SACS: variants seen among roughly 807,000 people sequenced by gnomAD.
SACS encodes sacsin.
Under a neutral mutation model 348.0 loss-of-function variants are expected in SACS, and 197 were observed. The ratio of observed to expected loss-of-function variants is 0.57; its 90% CI spans 0.50 to 0.64. The LOEUF (loss-of-function observed/expected upper bound fraction) is 0.64, where lower values mean the gene tolerates loss of function less well. Ranked by LOEUF, SACS falls within the 30% of genes least tolerant of loss-of-function variation. The probability of loss-of-function intolerance (pLI) is 0.00; values close to 1 mark genes in which losing one functional copy is unlikely to be tolerated. For synonymous variants in SACS, 1,985 were observed against 1,910.6 expected, an observed-to-expected ratio of 1.04 and a Z score of -1.02; for missense variants, 4,999 against 5,360.8, an observed-to-expected ratio of 0.93 and a Z score of 2.11.
intron 2 of SACS, among the ~76,000 whole-genome samples, chr13:23,391,930 C>T (rs1021007439): frequency 3.3e-5 from 5 of 152,206 alleles, no homozygotes; most frequent in Non-Finnish European, 7.3e-5. Context: ...CCTTACCCTT[C>T]AGAAGCTGAC....
intron 2 of SACS, among the ~76,000 whole-genome samples, chr13:23,377,461 C>T (rs1170333315): frequency 2.0e-5 from 3 of 152,130 alleles, no homozygotes; most frequent in African/African-American, 7.2e-5. Flanking sequence ...GTACTCAGTC[C>T]ACTACCAGAG....
In SACS at chr13:23,354,819, C is replaced by T. The variant is rs560336970; in HGVS notation, c.1793G>A (p.Gly598Glu). 6.2e-7 allele frequency: 1 copy of T among 1,614,200 alleles called. No individual in the cohort carries two copies. The highest frequency in any genetic ancestry group is 2.2e-5 in the East Asian group (1 of 44,884). ...KTVLNYLQSS[G>E]KQIAKVPGNV... ...CCCTGGTACCTTGGCAATCTGCTTC[C>T]CTGAGCTCTGGAGGTAGTTGAGCAC... Residue 598 changes from glycine (G) to glutamate (E), a missense_variant, in exon 8 of 10, where the codon GGG (glycine) becomes GAG (glutamate). Physicochemically the swap from Gly to Glu is moderately conservative, Grantham distance 98. Around this residue, in one of 6 missense-constraint regions of SACS, gnomAD observed 3,156 missense variants for 3,380.1 expected, o/e 0.93. Coordinates refer to ENST00000382292, the MANE Select transcript of SACS (RefSeq NM_014363.6).
chr13:23,348,891 G>C (rs1869782730), intron 9 of SACS, among the ~76,000 whole-genome samples: 1 of 152,196 alleles, frequency 6.6e-6, no homozygotes, highest in Non-Finnish European at 1.5e-5. Flanking sequence ...AGGTCTCTCT[G>C]CTCTCATGAA....
Position 23,338,702 on chromosome 13 carries a change from T to C in SACS, c.5174A>G (p.Asn1725Ser). The change falls in exon 10 of 10, where the codon AAC becomes AGC. Residue 1725 changes from asparagine to serine, a missense_variant. Physicochemically the swap from Asn to Ser is conservative, Grantham distance 46. This residue lies in a region of SACS where 3,156 missense variants were observed against 3,380.1 expected (regional missense o/e 0.93). Transcript: ENST00000382292. ...TTTTAAAACACTTAAGACAGGTGTG[T>C]TCAATGCTTTGGAAGAGCAGGATTT... Reference protein sequence around the residue: ...KKKSCSSKALNTPVLSVLKEA... With the variant: ...KKKSCSSKALSTPVLSVLKEA... The C allele has an allele frequency of 6.2e-7, 1 of 1,612,052 alleles. No individual in the cohort carries two copies. The highest frequency in any genetic ancestry group is 1.1e-5 in the South Asian group (1 of 90,590).
At chr13:23,347,298 T>G (rs1254689378) in intron 9 of SACS, among the ~76,000 whole-genome samples, 1 of 152,064 alleles carries the variant, frequency 6.6e-6, no homozygotes, top group Non-Finnish European at 1.5e-5. Context: ...AAAAAGAGAT[T>G]TTATCATCTA....
rs578246650 is a variant in SACS at position 23,412,011 on chromosome 13, A to G, written c.-501-271T>C. ...GCGGTGGCTCACGCCTGTAATCCCA[A>G]CACTTTGGGAGGCAGAGGCGCGCAG... On this transcript the variant is annotated intron_variant, in intron 1 of 9. Transcript: ENST00000382292. 2.5e-3 allele frequency among the ~76,000 whole-genome samples: 375 copies of G among 152,272 alleles called. 2 individuals are homozygous for G. The highest frequency in any genetic ancestry group is 8.5e-3 in the African/African-American group (354 of 41,574).
intron 9 of SACS, among the ~76,000 whole-genome samples, chr13:23,346,234 C>T (rs1447977897): frequency 6.6e-5 from 10 of 152,146 alleles, no homozygotes; most frequent in Admixed American, 5.2e-4. Flanking sequence ...CAACCTCTGC[C>T]GCCCGGGTTC....
chr13:23,353,793 T>C lies in SACS; in HGVS notation c.2177A>G (p.Gln726Arg). 6.3e-7 allele frequency: 1 copy of C among 1,584,272 alleles called. No individual in the cohort carries two copies. The highest frequency in any genetic ancestry group is 8.7e-7 in the Non-Finnish European group (1 of 1,153,346). The change falls in exon 9 of 10, where the codon CAA (glutamine) becomes CGA (arginine). Residue 726 changes from glutamine (Q) to arginine (R), a missense_variant. Physicochemically the swap from Gln to Arg is conservative, Grantham distance 43. Transcript: ENST00000382292. ...ATACTAAACTATAATACCTCGGGTTTGGGCAGCTTCCTTTAAAGCAGCCAC... is the reference window on the plus strand; with the variant it reads ...ATACTAAACTATAATACCTCGGGTTCGGGCAGCTTCCTTTAAAGCAGCCAC... ...HLVAALKEAA[Q>R]TRGRPCTQLQ... is the part of the protein sequence containing the mutation.
At chr13:23,425,329 G>T (rs1208721802) in intron 1 of SACS, among the ~76,000 whole-genome samples, 2 of 151,700 alleles carry the variant, frequency 1.3e-5, no homozygotes, top group African/African-American at 4.8e-5. Context: ...GTCCACCTGG[G>T]GCCTGGTATT....
chr13:23,342,360 C>T (rs1869322345), intron 9 of SACS, among the ~76,000 whole-genome samples: 1 of 151,908 alleles, frequency 6.6e-6, no homozygotes, highest in Non-Finnish European at 1.5e-5. Context: ...AATAAAAACA[C>T]CAAGGAAAAA....
intron 2 of SACS, among the ~76,000 whole-genome samples, chr13:23,376,236 A>G (rs1371265652): frequency 6.6e-6 from 1 of 152,200 alleles, no homozygotes; most frequent in African/African-American, 2.4e-5. Flanking sequence ...AGCTCCTTGA[A>G]AGCAGGAACA....
intron 1 of SACS, among the ~76,000 whole-genome samples, chr13:23,415,150 G>A (rs1198145063): frequency 6.6e-6 from 1 of 152,034 alleles, no homozygotes; most frequent in Non-Finnish European, 1.5e-5. Flanking sequence ...TCCTACCTCA[G>A]CCTCCCGAGT....
In SACS at chr13:23,331,413, T is replaced by C. The variant is rs1284648862; in HGVS notation, c.12463A>G (p.Met4155Val). Residue 4155 changes from methionine to valine, a missense_variant, in exon 10 of 10, where the codon ATG (methionine) becomes GTG (valine). Coordinates refer to ENST00000382292, the MANE Select transcript of SACS (RefSeq NM_014363.6). ...TCAGCAGGAATTGGTGTGCCAGGCA[T>C]TGGAAGTTCCAGTTTTGATGGCTCC... Reference protein sequence around the residue: ...SSEPSKLELPMPGTPIPAEIH... With the variant: ...SSEPSKLELPVPGTPIPAEIH... The C allele has an allele frequency of 1.9e-6, 3 of 1,614,078 alleles. No individual in the cohort carries two copies. Among genetic ancestry groups the C allele is most frequent in the African/African-American group, 2.7e-5 (2 of 75,034 alleles).
Position 23,371,001 on chromosome 13 carries a change from CCAAA to C in SACS, c.259+73_259+76del, listed in dbSNP as rs1025239829. The C allele has an allele frequency of 3.0e-4, 295 of 977,822 alleles. 2 individuals carry two copies. The highest frequency in any genetic ancestry group is 1.6e-3 in the South Asian group (102 of 62,932). 60.6% of individuals were successfully genotyped at this position (977,822 alleles called of 1,614,324 possible). A position where few individuals can be genotyped will look rare whatever the true frequency, so the allele number is the denominator to read the frequency against. ...GGCGAGACTCAGTTTCAAAAACCAA[CCAAA>C]CAAACAAACAAAAAAACTCAATCTT... is the stretch of plus-strand genomic sequence containing the variant. On this transcript the variant is annotated intron_variant, in intron 4 of 9. Transcript: ENST00000382292.
chr13:23,399,477 A>T (rs1872862580), intron 2 of SACS, among the ~76,000 whole-genome samples: 1 of 152,112 alleles, frequency 6.6e-6, no homozygotes, highest in East Asian at 1.9e-4. Flanking sequence ...TGACATGCCC[A>T]AACATGTCTT....
intron 2 of SACS, among the ~76,000 whole-genome samples, chr13:23,378,768 A>T (rs1223202345): frequency 6.6e-6 from 1 of 152,144 alleles, no homozygotes; most frequent in Non-Finnish European, 1.5e-5. Flanking sequence ...GAAAATATGG[A>T]AAGAGAGTGA....
At chr13:23,365,110 T>C (rs557000034) in intron 6 of SACS, 56 bp downstream of exon 6, 1 of 1,135,090 alleles carries the variant, frequency 8.8e-7, no homozygotes, top group African/African-American at 1.5e-5. Context: ...TATTAATCAT[T>C]AAAAACTGCC....
intron 6 of SACS, among the ~76,000 whole-genome samples, chr13:23,364,486 C>G (rs4769266): frequency 0.48 from 73,669 of 151,966 alleles, 19,088 homozygotes; most frequent in Non-Finnish European, 0.57. Flanking sequence ...TTGCCACGTT[C>G]GCCAGGCTGG....
intron 2 of SACS, among the ~76,000 whole-genome samples, chr13:23,408,622 A>G (rs957894912): frequency 6.6e-6 from 1 of 152,182 alleles, no homozygotes; most frequent in African/African-American, 2.4e-5. Context: ...ACCCTCACAC[A>G]CAACTATGGA....
Sources: allele counts gnomAD v4.1 joint callset (sites outside exome capture counted in the v4.1 genomes callset), GRCh38; gene constraint gnomAD v4.1.1; regional missense constraint gnomAD v4.1.1; transcripts MANE v1.5; gene names NCBI Gene and HGNC (gene_info 2026-07-23, HGNC 2026-07-21).